Variants in ANLN observed in about 807,000 individuals in gnomAD.
ANLN encodes the protein anillin, actin binding protein.
In ANLN, 59 loss-of-function variants were observed where a neutral mutation model predicts 135.1. That is an observed-to-expected ratio of 0.44 (90% CI 0.35 to 0.54). ANLN has a LOEUF of 0.54. ANLN is among the 20% of genes least tolerant of loss of function. The pLI is 0.00. For synonymous variants in ANLN, 406 were observed against 456.4 expected, an observed-to-expected ratio of 0.89 and a Z score of 1.41; for missense variants, 1,182 against 1,340.0, an observed-to-expected ratio of 0.88 and a Z score of 1.84.
chr7:36,451,615 A>T (rs1789247521), intron 23 of ANLN, among the ~76,000 whole-genome samples: 1 of 152,226 alleles, frequency 6.6e-6, no homozygotes. Flanking sequence ...TTTCCAGTAC[A>T]TGGAATGAGC....
intron 20 of ANLN, among the ~76,000 whole-genome samples, chr7:36,432,694 T>G (rs188107932): frequency 1.3e-5 from 2 of 152,350 alleles, no homozygotes; most frequent in African/African-American, 4.8e-5. Flanking sequence ...TTGTTTTCCC[T>G]TTCCTGCCTT....
chr7:36,416,870 T>C (rs2116636260), intron 8 of ANLN, among the ~76,000 whole-genome samples: 1 of 152,034 alleles, frequency 6.6e-6, no homozygotes, highest in East Asian at 1.9e-4. Flanking sequence ...GAACTGATTT[T>C]TCACAAAATA....
intron 7 of ANLN, among the ~76,000 whole-genome samples, chr7:36,411,987 A>G (rs1307291132): frequency 2.0e-5 from 3 of 152,080 alleles, no homozygotes; most frequent in African/African-American, 7.2e-5. Context: ...AAAGCCTGCT[A>G]TGCTTTGCTG....
At chr7:36,444,015 C>T (rs550689009) in intron 22 of ANLN, among the ~76,000 whole-genome samples, 153 bp downstream of exon 22, 3 of 152,196 alleles carry the variant, frequency 2.0e-5, no homozygotes, top group African/African-American at 4.8e-5. Flanking sequence ...GTTGGCCAGG[C>T]GCAGTGGCTT....
In ANLN at chr7:36,450,489, G is replaced by A. The variant is rs915787983; in HGVS notation, c.3251+652G>A. Among the ~76,000 whole-genome samples the A allele has an allele frequency of 8.5e-4, 130 of 152,096 alleles. 2 individuals carry two copies. Among genetic ancestry groups the A allele is most frequent in the Non-Finnish European group, 4.4e-4 (30 of 68,008 alleles). The stretch of plus-strand genomic sequence containing the variant: ...CTGTTGCTGGATATTGCAGATGGGG[G>A]GAGATTGGTAGGACTAGCTTTATGA... On this transcript the variant is annotated intron_variant, in intron 23 of 23. Transcript: ENST00000265748.
rs1381715171 is a variant in ANLN, at chr7:36,423,879, C to A, written c.2539C>A (p.Pro847Thr). Residue 847 changes from proline (P) to threonine (T), a missense_variant, in exon 15 of 24, where the codon CCA becomes ACA. Around this residue, in one of 3 missense-constraint regions of ANLN, gnomAD observed 1,022 missense variants for 1,134.0 expected, o/e 0.90. Transcript: ENST00000265748. ...AGGAGCTGAAAATATGGTAGCCACACCATTAGCAAGTACTTCAAACTCTCT... is the reference window on the plus strand; with the variant it reads ...AGGAGCTGAAAATATGGTAGCCACAACATTAGCAAGTACTTCAAACTCTCT... ...KAGAENMVAT[P>T]LASTSNSLNG... 1 of 1,612,556 alleles carries A rather than the reference C, an allele frequency of 6.2e-7. No individual in the cohort carries two copies. The highest frequency in any genetic ancestry group is 2.2e-5 in the East Asian group (1 of 44,722).
intron 21 of ANLN, among the ~76,000 whole-genome samples, chr7:36,442,058 G>A (rs1788797139): frequency 6.6e-6 from 1 of 152,138 alleles, no homozygotes; most frequent in Non-Finnish European, 1.5e-5. Context: ...ACACGTCATG[G>A]CCAGAAATTA....
chr7:36,405,140 C>T (rs1583602190), intron 3 of ANLN, among the ~76,000 whole-genome samples: 2 of 152,094 alleles, frequency 1.3e-5, no homozygotes, highest in South Asian at 4.1e-4. Flanking sequence ...GTTTGCTTAC[C>T]ATTGTGTTAC....
At chr7:36,420,124 T>A in intron 10 of ANLN, 45 bp from the exon 11 acceptor site, 2 of 1,559,248 alleles carry the variant, frequency 1.3e-6, no homozygotes, top group Non-Finnish European at 1.8e-6. Flanking sequence ...ATAAAATGAA[T>A]TATCATTTAG....
chr7:36,423,697 T>A (rs749946352), intron 14 of ANLN, 120 bp from the exon 15 acceptor site: 1 of 969,866 alleles, frequency 1.0e-6, no homozygotes, highest in Non-Finnish European at 1.4e-6. Flanking sequence ...TTAGTAATTT[T>A]AAAAATAAAT....
chr7:36,443,751 C>G lies in ANLN; in HGVS notation c.2971-4C>G, dbSNP rs1322287379. On this transcript the variant is annotated splice_polypyrimidine_tract_variant and splice_region_variant and intron_variant, in intron 21 of 23. Coordinates refer to ENST00000265748, the MANE Select transcript of ANLN (RefSeq NM_018685.5). ...AAAGCCAGCATTTCAACTGACTTTT[C>G]CAGACCATATTTGAAGATGTTAGTG... 1.2e-6 allele frequency: 2 copies of G among 1,605,072 alleles called. No homozygotes were observed. The highest frequency in any genetic ancestry group is 2.2e-5 in the South Asian group (2 of 89,610).
Position 36,410,679 on chromosome 7 carries a change from C to T in ANLN, c.1262C>T (p.Thr421Ile), listed in dbSNP as rs1197927402. Residue 421 changes from threonine to isoleucine, a missense_variant, in exon 6 of 24, where the codon ACC becomes ATC. Physicochemically the swap from Thr to Ile is moderately conservative, Grantham distance 89 (BLOSUM62 -1). This residue lies in a region of ANLN where 1,022 missense variants were observed against 1,134.0 expected (regional missense o/e 0.90). Coordinates refer to ENST00000265748, the MANE Select transcript of ANLN (RefSeq NM_018685.5). ...LFKQDTSSSTTHLAQQLKQER... is the reference protein window; with the variant it reads ...LFKQDTSSSTIHLAQQLKQER... ...AAGCAAGACACATCTTCATCTACTACCCATTTAGCACAACAGCTCAAGCAG... is the reference window on the plus strand; with the variant it reads ...AAGCAAGACACATCTTCATCTACTATCCATTTAGCACAACAGCTCAAGCAG... 20 of 1,613,938 alleles carry T rather than the reference C, an allele frequency of 1.2e-5. No homozygotes were observed. The highest frequency in any genetic ancestry group is 1.7e-5 in the Non-Finnish European group (20 of 1,179,936).
intron 12 of ANLN, 97 bp downstream of exon 12, chr7:36,420,841 C>G (rs1489447865): frequency 7.6e-7 from 1 of 1,307,478 alleles, no homozygotes; most frequent in African/African-American, 1.5e-5. Context: ...TCTCTGAACC[C>G]TGAGTGGCCA....
rs1291232094 is a variant in ANLN at position 36,410,595 on chromosome 7, C to T, written c.1178C>T (p.Thr393Ile). ...EHSKESPARS[T>I]PHRTPIITPN... ...AGCAAAGAAAGTCCAGCTCGTAGCACACCCCACAGAACCCCCATTATTACT... is the reference window on the plus strand; with the variant it reads ...AGCAAAGAAAGTCCAGCTCGTAGCATACCCCACAGAACCCCCATTATTACT... The change falls in exon 6 of 24, where the codon ACA (threonine) becomes ATA (isoleucine). Residue 393 changes from threonine (T) to isoleucine (I), a missense_variant. By Grantham distance (89) the Thr-to-Ile change is moderately conservative. This residue lies in a region of ANLN where 1,022 missense variants were observed against 1,134.0 expected (regional missense o/e 0.90). Transcript: ENST00000265748. 1.2e-6 allele frequency: 2 copies of T among 1,613,990 alleles called. No homozygotes were observed. Among genetic ancestry groups the T allele is most frequent in the African/African-American group, 1.3e-5 (1 of 74,910 alleles).
chr7:36,424,658 A>G (rs1788007325), intron 16 of ANLN, 28 bp from the exon 17 acceptor site: 3 of 1,606,432 alleles, frequency 1.9e-6, no homozygotes, highest in African/African-American at 1.3e-5. Context: ...CAGATTATAA[A>G]TTAATTATGC....
Position 36,453,442 on chromosome 7 carries a change from A to C in ANLN, c.*842A>C, listed in dbSNP as rs978947859. 3 of 152,206 alleles carry C rather than the reference A, an allele frequency of 2.0e-5. No individual in the cohort carries two copies. Among genetic ancestry groups the C allele is most frequent in the Non-Finnish European group, 4.4e-5 (3 of 68,026 alleles). 9.4% of individuals were successfully genotyped at this position (152,206 alleles called of 1,614,324 possible). A position where few individuals can be genotyped will look rare whatever the true frequency, so the allele number is the denominator to read the frequency against. On this transcript the variant is annotated 3_prime_UTR_variant, in exon 24 of 24. Coordinates refer to ENST00000265748, the MANE Select transcript of ANLN (RefSeq NM_018685.5). Reference sequence around the variant, plus strand: ...TGTACTAATAATACTTTGCTTGCCAAAGTGTTTGGGTTTTGTTGTTGTTTG... The same window carrying C: ...TGTACTAATAATACTTTGCTTGCCACAGTGTTTGGGTTTTGTTGTTGTTTG...
chr7:36,393,144 C>T (rs1012436877), intron 1 of ANLN, among the ~76,000 whole-genome samples: 26 of 151,982 alleles, frequency 1.7e-4, no homozygotes, highest in African/African-American at 5.6e-4. Context: ...CTGCCTCAGC[C>T]TCCCAAGTAG....
At chr7:36,402,728 G>C (rs1292017996) in intron 3 of ANLN, among the ~76,000 whole-genome samples, 2 of 152,088 alleles carry the variant, frequency 1.3e-5, no homozygotes, top group African/African-American at 4.8e-5. Context: ...ACTTACCTCT[G>C]CTTTCTATAC....
Position 36,390,063 on chromosome 7 carries a change from G to A in ANLN, c.18+19G>A, listed in dbSNP as rs2116462554. ...TACGGAGGTGAGTGAGTTTGCGGGTGCAGCCAGCCATGACCCACCGCTCTA... is the reference window on the plus strand; with the variant it reads ...TACGGAGGTGAGTGAGTTTGCGGGTACAGCCAGCCATGACCCACCGCTCTA... On this transcript the variant is annotated intron_variant, in intron 1 of 23. Coordinates refer to ENST00000265748, the MANE Select transcript of ANLN (RefSeq NM_018685.5). 1 of 1,613,468 alleles carries A rather than the reference G, an allele frequency of 6.2e-7. No homozygotes were observed. The highest frequency in any genetic ancestry group is 8.5e-7 in the Non-Finnish European group (1 of 1,179,950).
Sources: allele counts gnomAD v4.1 joint callset (sites outside exome capture counted in the v4.1 genomes callset), GRCh38; gene constraint gnomAD v4.1.1; regional missense constraint gnomAD v4.1.1; transcripts MANE v1.5; gene names NCBI Gene and HGNC (gene_info 2026-07-23, HGNC 2026-07-21).